The following MYO1E variants were observed in gnomAD, a reference collection of about 807,000 sequenced individuals.
The protein encoded by MYO1E is unconventional myosin-Ie.
In MYO1E, 68 loss-of-function variants were observed where a neutral mutation model predicts 151.1. The observed-to-expected ratio is 0.45, with a 90% CI of 0.37 to 0.55. The LOEUF is 0.55. Ranked by LOEUF, MYO1E falls within the 20% of genes least tolerant of loss-of-function variation. The pLI, the probability that MYO1E is intolerant of heterozygous loss-of-function variation, is 0.00. For synonymous variants in MYO1E, 601 were observed against 501.7 expected (o/e 1.20, Z -2.64); for missense variants, 1,363 against 1,389.3 (o/e 0.98, Z 0.30).
At chr15:59,139,837 T>G (rs1361495571) in intron 26 of MYO1E, among the ~76,000 whole-genome samples, 1 of 151,920 alleles carries the variant, frequency 6.6e-6, no homozygotes, top group Non-Finnish European at 1.5e-5. Context: ...CCCTCATCAT[T>G]ACTCCACAAT....
intron 1 of MYO1E, among the ~76,000 whole-genome samples, chr15:59,297,030 T>C (rs2080453748): frequency 2.0e-5 from 1 of 49,744 alleles, no homozygotes; most frequent in Non-Finnish European, 5.5e-5. Context: ...TTTTTGTGTT[T>C]TTTTGTAGAG....
chr15:59,133,740 C>G lies in MYO1E; in HGVS notation c.*3640G>C, dbSNP rs113386221. The G allele has an allele frequency of 6.6e-6, 1 of 152,180 alleles. No homozygotes were observed. 9.4% of individuals were successfully genotyped at this position (152,180 alleles called of 1,614,324 possible). On this transcript the variant is annotated 3_prime_UTR_variant, in exon 28 of 28. Coordinates refer to ENST00000288235, the MANE Select transcript of MYO1E (RefSeq NM_004998.4). The stretch of plus-strand genomic sequence containing the variant: ...AAAGACGCACCGTTCATGCTCTGCT[C>G]TTGATTGCCCTGGAAACCAGAATCC...
chr15:59,217,069 AC>A (rs1422495064), intron 10 of MYO1E, among the ~76,000 whole-genome samples: 1 of 152,064 alleles, frequency 6.6e-6, no homozygotes, highest in Non-Finnish European at 1.5e-5. Flanking sequence ...AGATCCTCCA[AC>A]CCTAGGCAAG....
intron 26 of MYO1E, among the ~76,000 whole-genome samples, chr15:59,146,039 A>G (rs1440215031): frequency 6.6e-6 from 1 of 152,150 alleles, no homozygotes; most frequent in African/African-American, 2.4e-5. Context: ...TTATTTTTAG[A>G]GACAAGGTCT....
At chr15:59,333,411 T>G (rs774004208) in intron 1 of MYO1E, among the ~76,000 whole-genome samples, 2 of 152,020 alleles carry the variant, frequency 1.3e-5, no homozygotes, top group Non-Finnish European at 2.9e-5. Context: ...CCTGGGTAAT[T>G]TTTGTATTTT....
intron 1 of MYO1E, among the ~76,000 whole-genome samples, chr15:59,319,248 T>A (rs1421093279): frequency 2.7e-4 from 41 of 152,060 alleles, no homozygotes; most frequent in Non-Finnish European, 5.7e-4. Context: ...AAGCCGGAGG[T>A]TGCAGTGAGC....
intron 16 of MYO1E, 30 bp downstream of exon 16, chr15:59,202,296 A>G (rs1459007048): frequency 3.1e-6 from 5 of 1,594,830 alleles, no homozygotes; most frequent in Non-Finnish European, 4.3e-6. Context: ...CCCTTATAAG[A>G]ATCTATAAAC....
chr15:59,226,601 G>C (rs2079992941), intron 7 of MYO1E, among the ~76,000 whole-genome samples: 1 of 152,178 alleles, frequency 6.6e-6, no homozygotes, highest in South Asian at 2.1e-4. Flanking sequence ...GAGTCCGAGA[G>C]TTAGAGACCA....
rs1394251948 is a variant in MYO1E at position 59,205,461 on chromosome 15, A to G, written c.1555T>C (p.Cys519Arg). 4 of 1,614,052 alleles carry G rather than the reference A, an allele frequency of 2.5e-6. No individual in the cohort carries two copies. In the African/African-American group the frequency reaches 4.0e-5, roughly 16 times the overall value. ...GKVSYDMDGF[C>R]ERNRDVLFMD... ...AAAAGCACATCCCGGTTCCTTTCAC[A>G]AAAGCCATCCATGTCATAGGATACC... Residue 519 changes from cysteine to arginine, a missense_variant, in exon 15 of 28, where the codon TGT becomes CGT. By Grantham distance (180) the Cys-to-Arg change is radical. Transcript: ENST00000288235.
At chr15:59,151,424 A>T (rs1484863970) in intron 26 of MYO1E, among the ~76,000 whole-genome samples, 4 of 151,692 alleles carry the variant, frequency 2.6e-5, no homozygotes, top group Non-Finnish European at 5.9e-5. Context: ...ACAAGACTCC[A>T]TCTCAAACAA....
chr15:59,352,069 G>A (rs574887180), intron 1 of MYO1E, among the ~76,000 whole-genome samples: 8 of 152,300 alleles, frequency 5.3e-5, no homozygotes, highest in African/African-American at 1.4e-4. Context: ...GACAGCAGCC[G>A]TGGAAGAGGC....
intron 1 of MYO1E, among the ~76,000 whole-genome samples, chr15:59,295,999 T>G (rs2080446366): frequency 6.6e-6 from 1 of 152,152 alleles, no homozygotes; most frequent in Non-Finnish European, 1.5e-5. Context: ...GCAGTGGAGC[T>G]AGACTGCTTT....
intron 1 of MYO1E, among the ~76,000 whole-genome samples, chr15:59,367,895 A>G (rs978398583): frequency 1.3e-5 from 2 of 152,200 alleles, no homozygotes; most frequent in Non-Finnish European, 2.9e-5. Flanking sequence ...TGAGGCGGGC[A>G]GATCACCTGA....
chr15:59,184,510 G>C (rs1327703232), intron 18 of MYO1E, among the ~76,000 whole-genome samples: 3 of 151,686 alleles, frequency 2.0e-5, no homozygotes, highest in Admixed American at 6.6e-5. Flanking sequence ...ACAGGCATGG[G>C]ACACCACACT....
At chr15:59,224,913 C>G (rs2079980115) in intron 7 of MYO1E, 90 bp from the exon 8 acceptor site, 1 of 1,546,576 alleles carries the variant, frequency 6.5e-7, no homozygotes, top group African/African-American at 1.4e-5. Context: ...TCCCTAAGGA[C>G]TTTCTATCTC....
At chr15:59,218,786 T>C (rs554521401) in intron 9 of MYO1E, among the ~76,000 whole-genome samples, 1 of 152,242 alleles carries the variant, frequency 6.6e-6, no homozygotes, top group South Asian at 2.1e-4. Flanking sequence ...AGATTTGAGC[T>C]GGGTGTAAAG....
chr15:59,168,670 G>C (rs1481783837), intron 22 of MYO1E, among the ~76,000 whole-genome samples: 2 of 151,986 alleles, frequency 1.3e-5, no homozygotes, highest in African/African-American at 4.8e-5. Context: ...TACCAGGCTG[G>C]AGTGCAGTGG....
intron 1 of MYO1E, among the ~76,000 whole-genome samples, chr15:59,290,990 C>T (rs1475133569): frequency 6.6e-6 from 1 of 152,100 alleles, no homozygotes; most frequent in African/African-American, 2.4e-5. Flanking sequence ...TGTGCTCACA[C>T]AATTAAAGTA....
intron 1 of MYO1E, among the ~76,000 whole-genome samples, chr15:59,307,340 GCA>G (rs1486618130): frequency 6.6e-6 from 1 of 152,158 alleles, no homozygotes; most frequent in African/African-American, 2.4e-5. Flanking sequence ...ATGAGGTTCC[GCA>G]CAGTCGTTTT....
Sources: gnomAD v4.1 joint callset for allele counts (sites outside exome capture counted in the v4.1 genomes callset) on GRCh38, gnomAD v4.1.1 for gene constraint, MANE v1.5 for transcripts, NCBI Gene and HGNC (gene_info 2026-07-23, HGNC 2026-07-21) for gene names.